OPA1: variants seen among roughly 807,000 people sequenced by gnomAD.
OPA1 encodes the protein OPA1 mitochondrial dynamin like GTPase, also known as dynamin-like GTPase OPA1, mitochondrial.
Under a neutral mutation model 152.9 loss-of-function variants are expected in OPA1, and 59 were observed. The ratio of observed to expected loss-of-function variants is 0.39; its 90% confidence interval spans 0.31 to 0.48. OPA1 has a LOEUF of 0.48. Among genes scored for constraint, OPA1 ranks in the 20% least tolerant of loss-of-function variants. OPA1 has a pLI of 0.96. For synonymous variants in OPA1, 400 were observed against 389.9 expected, an observed-to-expected ratio of 1.03 and a Z score of -0.31; for missense variants, 1,008 against 1,216.8, an observed-to-expected ratio of 0.83 and a Z score of 2.55.
At chr3:193,672,356 T>C (rs1321244960) in intron 29 of OPA1, among the ~76,000 whole-genome samples, 1 of 152,220 alleles carries the variant, frequency 6.6e-6, no homozygotes, top group Non-Finnish European at 1.5e-5. Flanking sequence ...CTAAGCCAAG[T>C]TTCACCAGTA....
intron 9 of OPA1, 45 bp from the exon 10 acceptor site, chr3:193,637,150 T>G: frequency 9.3e-7 from 1 of 1,077,270 alleles, no homozygotes; most frequent in Non-Finnish European, 1.4e-6. Context: ...TATTTTTTTC[T>G]TTACTTTTAC....
chr3:193,606,616 A>G (rs1170268644), intron 1 of OPA1, among the ~76,000 whole-genome samples: 2 of 152,184 alleles, frequency 1.3e-5, no homozygotes, highest in African/African-American at 4.8e-5. Flanking sequence ...TTATGGCTCC[A>G]TAGTATTCCA....
At chr3:193,642,343 C>A (rs1019967421) in intron 11 of OPA1, among the ~76,000 whole-genome samples, 2 of 152,156 alleles carry the variant, frequency 1.3e-5, no homozygotes, top group Non-Finnish European at 1.5e-5. Context: ...ACACATAGTT[C>A]ACTCTCTATA....
At chr3:193,624,585 GTCTT>G (rs1168101828) in intron 6 of OPA1, among the ~76,000 whole-genome samples, 2 of 152,022 alleles carry the variant, frequency 1.3e-5, no homozygotes, top group Non-Finnish European at 2.9e-5. Flanking sequence ...AGTTAGCATT[GTCTT>G]TCTTTGATAG....
intron 25 of OPA1, among the ~76,000 whole-genome samples, chr3:193,661,095 C>T (rs907024126): frequency 1.3e-5 from 2 of 152,188 alleles, no homozygotes; most frequent in Non-Finnish European, 2.9e-5. Context: ...GATTCCTGCT[C>T]GTAAGTTATT....
chr3:193,615,921 AAAAG>A (rs1728941076), intron 3 of OPA1, 151 bp downstream of exon 3: 1 of 639,820 alleles, frequency 1.6e-6, no homozygotes, highest in African/African-American at 1.8e-5. Context: ...AAATCTGTAT[AAAAG>A]AAATACCCAG....
chr3:193,620,410 AAAG>A (rs1287548415), intron 6 of OPA1, among the ~76,000 whole-genome samples: 5 of 152,240 alleles, frequency 3.3e-5, no homozygotes, highest in Non-Finnish European at 7.3e-5. Flanking sequence ...CTGCAATAGA[AAAG>A]AAGCCAGATA....
intron 12 of OPA1, 58 bp from the exon 13 acceptor site, chr3:193,642,914 AAAG>A: frequency 6.4e-7 from 1 of 1,571,510 alleles, no homozygotes; most frequent in Non-Finnish European, 8.8e-7. Context: ...AAAGACAGTT[AAAG>A]AATATTTGTG....
At chr3:193,675,642 C>T (rs1475584840) in intron 29 of OPA1, among the ~76,000 whole-genome samples, 1 of 152,134 alleles carries the variant, frequency 6.6e-6, no homozygotes, top group African/African-American at 2.4e-5. Context: ...CAGATACTGC[C>T]AGTGTTGTTT....
chr3:193,633,324 T>C (rs963064849), intron 8 of OPA1, among the ~76,000 whole-genome samples: 2 of 152,230 alleles, frequency 1.3e-5, no homozygotes, highest in East Asian at 1.9e-4. Flanking sequence ...TTGAGAATTA[T>C]TGTTCTAGAG....
intron 1 of OPA1, among the ~76,000 whole-genome samples, chr3:193,606,225 T>A (rs1245934884): frequency 2.6e-5 from 4 of 152,202 alleles, no homozygotes; most frequent in African/African-American, 4.8e-5. Flanking sequence ...TTGATTTTTT[T>A]AATATATAAT....
chr3:193,636,976 T>C lies in OPA1; in HGVS notation c.949-219T>C, dbSNP rs370869768. Among the ~76,000 whole-genome samples, 17 of 152,374 alleles carry C rather than the reference T, an allele frequency of 1.1e-4. No homozygotes were observed. The East Asian group carries it at 3.1e-3, about 28-fold the overall frequency. ...TAGGAAATCCTGAATTAATTTACTT[T>C]ATTAAATCATTGTATCTAAATAAAC... On this transcript the variant is annotated intron_variant, in intron 9 of 30. Transcript: ENST00000361510.
chr3:193,690,496 T>C lies in OPA1; in HGVS notation c.2984-1567T>C, dbSNP rs1560082229. Among the ~76,000 whole-genome samples, 13 of 151,550 alleles carry C rather than the reference T, an allele frequency of 8.6e-5. 1 individual carries two copies. Among genetic ancestry groups the C allele is most frequent in the Non-Finnish European group, 1.9e-4 (13 of 67,862 alleles). On this transcript the variant is annotated intron_variant, in intron 29 of 30. Transcript: ENST00000361510. ...GGCAACATAGTGAGACCTAGAAGTT[T>C]TAAATTACTGGAAAAATAATATGAA...
chr3:193,676,793 AC>A (rs1252182131), intron 29 of OPA1, among the ~76,000 whole-genome samples: 1 of 152,126 alleles, frequency 6.6e-6, no homozygotes, highest in African/African-American at 2.4e-5. Context: ...ATCCTGGCTA[AC>A]ACAGTGAAAC....
chr3:193,654,838 G>A (rs748895962), intron 21 of OPA1, 24 bp from the exon 22 acceptor site: 3 of 1,610,154 alleles, frequency 1.9e-6, no homozygotes, highest in East Asian at 4.5e-5. Flanking sequence ...TAGATTTGGT[G>A]CTTTTGATAC....
At chr3:193,595,776 CTT>C (rs1725382737) in intron 1 of OPA1, among the ~76,000 whole-genome samples, 2 of 152,196 alleles carry the variant, frequency 1.3e-5, no homozygotes, top group East Asian at 1.9e-4. Flanking sequence ...GTTTTTCTCT[CTT>C]ATTTTTTATT....
At chr3:193,667,123 A>G (rs777455927) in intron 28 of OPA1, 47 bp from the exon 29 acceptor site, 5 of 886,886 alleles carry the variant, frequency 5.6e-6, no homozygotes, top group Non-Finnish European at 9.6e-6. Flanking sequence ...ATCTTTATTC[A>G]TTTATAAAAA....
chr3:193,637,387 A>C (rs1733119549), intron 10 of OPA1, 106 bp downstream of exon 10: 1 of 595,148 alleles, frequency 1.7e-6, no homozygotes, highest in African/African-American at 1.9e-5. Flanking sequence ...TATACATACT[A>C]GATGTAGGCA....
At chr3:193,683,289 G>T (rs560064526) in intron 29 of OPA1, among the ~76,000 whole-genome samples, 10 of 140,634 alleles carry the variant, frequency 7.1e-5, no homozygotes, top group Non-Finnish European at 1.5e-4. Context: ...TTTTTTTTTG[G>T]CAGTCTCAGT....
Sources: allele counts gnomAD v4.1 joint callset (sites outside exome capture counted in the v4.1 genomes callset), GRCh38; gene constraint gnomAD v4.1.1; transcripts MANE v1.5; gene names NCBI Gene and HGNC (gene_info 2026-07-23, HGNC 2026-07-21).